MYCBP2: variants seen among roughly 807,000 people sequenced by gnomAD.
MYCBP2 encodes MYC binding protein 2.
Under a neutral mutation model 525.3 loss-of-function variants are expected in MYCBP2, and 120 were observed. The observed-to-expected ratio is 0.23, with a 90% confidence interval of 0.20 to 0.27. MYCBP2 has a LOEUF of 0.27. Ranked by LOEUF, MYCBP2 falls within the 10% of genes least tolerant of loss-of-function variation. The pLI, the probability that MYCBP2 is intolerant of heterozygous loss-of-function variation, is 1.00. For synonymous variants in MYCBP2, 1,894 were observed against 1,955.8 expected (o/e 0.97, Z 0.83); for missense variants, 4,149 against 5,657.1 (o/e 0.73, Z 8.55).
intron 55 of MYCBP2, among the ~76,000 whole-genome samples, chr13:77,119,325 T>C (rs962903814): frequency 1.3e-5 from 2 of 152,152 alleles, no homozygotes; most frequent in African/African-American, 4.8e-5. Context: ...GACTAGGTGA[T>C]GCAGAAACTG....
chr13:77,139,139 C>T, intron 52 of MYCBP2, 57 bp downstream of exon 52: 1 of 1,546,796 alleles, frequency 6.5e-7, no homozygotes, highest in Admixed American at 1.9e-5. Context: ...TTAAAGAAAG[C>T]TCTGTAAAAC....
At chr13:77,145,783 C>T (rs2154188733) in intron 48 of MYCBP2, among the ~76,000 whole-genome samples, 1 of 151,900 alleles carries the variant, frequency 6.6e-6, no homozygotes, top group South Asian at 2.1e-4. Context: ...CAATCAAATA[C>T]AAGTATACCA....
At chr13:77,242,121 T>C (rs767326694) in intron 17 of MYCBP2, among the ~76,000 whole-genome samples, 7 of 152,192 alleles carry the variant, frequency 4.6e-5, no homozygotes, top group Non-Finnish European at 8.8e-5. Flanking sequence ...TTTTTTTTGT[T>C]TGTTTTCTTT....
At chr13:77,226,126 T>C (rs577939387) in intron 18 of MYCBP2, among the ~76,000 whole-genome samples, 1 of 152,310 alleles carries the variant, frequency 6.6e-6, no homozygotes, top group South Asian at 2.1e-4. Context: ...CCTATTCTTA[T>C]TCATGTTTCC....
chr13:77,217,718 A>C, intron 21 of MYCBP2, 122 bp downstream of exon 21: 1 of 514,436 alleles, frequency 1.9e-6, no homozygotes, highest in South Asian at 4.3e-5. Flanking sequence ...TGAAATATGC[A>C]TATGTAACAA....
rs2077820102 is a variant in MYCBP2, at chr13:77,294,112, A to ATATATATG, written c.378+2486_378+2487insCATATATA. ...TAAAGTAGATATAATGGCTATATAT[A>ATATATATG]TATATATATATATATATACATATAT... On this transcript the variant is annotated intron_variant, in intron 2 of 82. Coordinates refer to ENST00000544440, the MANE Select transcript of MYCBP2 (RefSeq NM_015057.5). 3.7e-5 allele frequency among the ~76,000 whole-genome samples: 2 copies of ATATATATG among 53,536 alleles called. 1 individual carries two copies. Among genetic ancestry groups the ATATATATG allele is most frequent in the Non-Finnish European group, 9.6e-5 (2 of 20,742 alleles). 35.1% of individuals were successfully genotyped at this position (53,536 alleles called of 152,430 possible).
rs199543488 is a variant in MYCBP2 at position 77,169,173 on chromosome 13, G to C, written c.5895+441C>G. 7.2e-5 allele frequency among the ~76,000 whole-genome samples: 11 copies of C among 152,090 alleles called. No individual in the cohort carries two copies. In the East Asian group the frequency reaches 7.7e-4, roughly 11 times the overall value. Reference sequence around the variant, plus strand: ...CCTGTAATCCCAGCACTTTGGGAGGGCGAGGCGGGCGGATCACGAGGTCAG... The same window carrying C: ...CCTGTAATCCCAGCACTTTGGGAGGCCGAGGCGGGCGGATCACGAGGTCAG... On this transcript the variant is annotated intron_variant, in intron 39 of 82. Transcript: ENST00000544440.
intron 66 of MYCBP2, chr13:77,078,000 A>C (rs988112324): frequency 3.3e-5 from 5 of 152,198 alleles, no homozygotes; most frequent in Non-Finnish European, 5.9e-5. Context: ...TCATAAAATA[A>C]AAACTGTTCT....
intron 46 of MYCBP2, among the ~76,000 whole-genome samples, chr13:77,153,478 G>A (rs1022216743): frequency 2.6e-5 from 4 of 152,184 alleles, no homozygotes. Flanking sequence ...TTAAATTACA[G>A]ACACTATTTT....
chr13:77,058,692 G>T lies in MYCBP2; in HGVS notation c.13141-286C>A, dbSNP rs2154068728. Among the ~76,000 whole-genome samples the T allele has an allele frequency of 6.6e-6, 1 of 151,906 alleles. No individual in the cohort carries two copies. Among genetic ancestry groups the T allele is most frequent in the Middle Eastern group, 3.4e-3 (1 of 292 alleles). On this transcript the variant is annotated intron_variant, in intron 77 of 82. Transcript: ENST00000544440. The surrounding 1 kb of genome is among the most constrained non-coding windows in gnomAD (Gnocchi z 4.1). ...ATTTGTCATCATGCACAGCTATAAA[G>T]CAAAAAGTTCCTGGCTGGGAGTCGT...
intron 4 of MYCBP2, among the ~76,000 whole-genome samples, chr13:77,277,276 G>C (rs776918730): frequency 3.9e-5 from 6 of 152,152 alleles, no homozygotes; most frequent in African/African-American, 1.2e-4. Flanking sequence ...CAAATCTTCA[G>C]TAAAATGCTG....
Position 77,185,138 on chromosome 13 carries a change from C to A in MYCBP2, c.4684G>T (p.Ala1562Ser). Residue 1562 changes from alanine to serine, a missense_variant, in exon 32 of 83, where the codon GCT becomes TCT. Physicochemically the swap from Ala to Ser is moderately conservative, Grantham distance 99. This residue lies in a region of MYCBP2 where 292 missense variants were observed against 330.5 expected (regional missense o/e 0.88). Transcript: ENST00000544440. ...SFYPTPALQW[A>S]CLCDLLNCLD... ...CAATTCAGCAGATCACAAAGGCAAGCCCACTGTAAGGCAGGAGTTGGGTAG... is the reference window on the plus strand; with the variant it reads ...CAATTCAGCAGATCACAAAGGCAAGACCACTGTAAGGCAGGAGTTGGGTAG... The A allele has an allele frequency of 6.2e-7, 1 of 1,614,002 alleles. No individual in the cohort carries two copies. Among genetic ancestry groups the A allele is most frequent in the Non-Finnish European group, 8.5e-7 (1 of 1,179,966 alleles).
intron 13 of MYCBP2, among the ~76,000 whole-genome samples, chr13:77,258,258 G>C (rs2072591839): frequency 6.6e-6 from 1 of 152,190 alleles, no homozygotes; most frequent in Non-Finnish European, 1.5e-5. Context: ...GTAGAAACCA[G>C]TGAGACTTTT....
At chr13:77,222,992 T>C (rs1164265555) in intron 20 of MYCBP2, among the ~76,000 whole-genome samples, 1 of 152,212 alleles carries the variant, frequency 6.6e-6, no homozygotes, top group African/African-American at 2.4e-5. Flanking sequence ...TTTTTGCAGC[T>C]AAGTGAATTG....
chr13:77,045,971 C>T (rs528759380), intron 82 of MYCBP2, among the ~76,000 whole-genome samples: 1 of 152,138 alleles, frequency 6.6e-6, no homozygotes, highest in East Asian at 1.9e-4. Flanking sequence ...GATGAAAAAG[C>T]CCACACTGGT....
chr13:77,067,872 G>C lies in MYCBP2; in HGVS notation c.12172-8C>G. The C allele has an allele frequency of 6.3e-7, 1 of 1,597,056 alleles. No homozygotes were observed. Among genetic ancestry groups the C allele is most frequent in the African/African-American group, 1.4e-5 (1 of 73,870 alleles). ...TCTTAGTAAAGAGGTTACCTGGTAA[G>C]AAAAATAAAATGAGAGAATTCCATG... On this transcript the variant is annotated splice_polypyrimidine_tract_variant and splice_region_variant and intron_variant, in intron 70 of 82. Transcript: ENST00000544440.
chr13:77,281,710 T>C lies in MYCBP2; in HGVS notation c.595-2799A>G, dbSNP rs547853862. Among the ~76,000 whole-genome samples the C allele has an allele frequency of 5.8e-4, 88 of 152,300 alleles. No individual in the cohort carries two copies. In the Middle Eastern group the frequency reaches 0.014, roughly 24 times the overall value. On this transcript the variant is annotated intron_variant, in intron 3 of 82. Coordinates refer to ENST00000544440, the MANE Select transcript of MYCBP2 (RefSeq NM_015057.5). The stretch of plus-strand genomic sequence containing the variant: ...TATATTTGGCCAAAGAAAAATGATA[T>C]ATAAAGAGTCTTTCAAGGTTTTATT...
intron 68 of MYCBP2, among the ~76,000 whole-genome samples, chr13:77,073,004 G>A (rs1428214940): frequency 6.6e-6 from 1 of 152,022 alleles, no homozygotes; most frequent in African/African-American, 2.4e-5. Context: ...TTGAGATATA[G>A]TTCACATACC....
At chr13:77,123,836 A>C (rs1282199370) in intron 54 of MYCBP2, among the ~76,000 whole-genome samples, 1 of 152,224 alleles carries the variant, frequency 6.6e-6, no homozygotes, top group East Asian at 1.9e-4. Context: ...AGGTATTTTC[A>C]TTTATATCTG....
Sources: allele counts gnomAD v4.1 joint callset (sites outside exome capture counted in the v4.1 genomes callset), GRCh38; gene constraint gnomAD v4.1.1; regional missense constraint gnomAD v4.1.1; non-coding constraint Gnocchi (gnomAD v3.1); transcripts MANE v1.5; gene names NCBI Gene and HGNC (gene_info 2026-07-23, HGNC 2026-07-21).